ADGB: variants seen among roughly 807,000 people sequenced by gnomAD.
ADGB encodes calpain-7-like protein.
In ADGB, 172 loss-of-function variants were observed where a neutral mutation model predicts 210.5. That is an observed-to-expected ratio of 0.82 (90% CI 0.72 to 0.93). ADGB has a LOEUF of 0.93. Ranked by LOEUF, ADGB falls within the 40% of genes least tolerant of loss-of-function variation. ADGB has a pLI of 0.00. For synonymous variants in ADGB, 658 were observed against 662.7 expected (o/e 0.99, Z 0.11); for missense variants, 2,025 against 1,964.8 (o/e 1.03, Z -0.58).
chr6:146,800,143 T>TG (rs1778106174), intron 33 of ADGB, among the ~76,000 whole-genome samples: 1 of 151,846 alleles, frequency 6.6e-6, no homozygotes, highest in African/African-American at 2.4e-5. Context: ...TTTTTCTTTT[T>TG]TTTTAAATGA....
At chr6:146,692,482 CT>C (rs146158823) in intron 11 of ADGB, among the ~76,000 whole-genome samples, 2,972 of 151,332 alleles carry the variant, frequency 0.02, 86 homozygotes, top group African/African-American at 0.067. Context: ...ACTAAGGGAA[CT>C]TTTTTTTTAG....
In ADGB at chr6:146,815,020, G is replaced by T; in HGVS notation, c.4819-12G>T. 6.6e-7 allele frequency: 1 copy of T among 1,524,716 alleles called. No homozygotes were observed. The highest frequency in any genetic ancestry group is 8.8e-7 in the Non-Finnish European group (1 of 1,140,172). 94.4% of individuals were successfully genotyped at this position (1,524,716 alleles called of 1,614,324 possible). ...GTGGAACTTATTTGTTTGGGGTTTTGCTTTGGAACAGGACTCCTTAGATGA... is the reference window on the plus strand; with the variant it reads ...GTGGAACTTATTTGTTTGGGGTTTTTCTTTGGAACAGGACTCCTTAGATGA... On this transcript the variant is annotated splice_polypyrimidine_tract_variant and intron_variant, in intron 35 of 35. Transcript: ENST00000397944.
At chr6:146,646,785 A>G (rs570402173) in intron 3 of ADGB, among the ~76,000 whole-genome samples, 4 of 152,258 alleles carry the variant, frequency 2.6e-5, no homozygotes, top group African/African-American at 9.6e-5. Context: ...GGCTCAAAAT[A>G]TTTGATCAAA....
At chr6:146,745,874 G>C in intron 25 of ADGB, 48 bp from the exon 26 acceptor site, 2 of 1,422,330 alleles carry the variant, frequency 1.4e-6, no homozygotes, top group Non-Finnish European at 1.9e-6. Context: ...ACATTCGATA[G>C]AATAATAACG....
At chr6:146,695,349 C>T (rs1776388068) in intron 12 of ADGB, among the ~76,000 whole-genome samples, 1 of 151,912 alleles carries the variant, frequency 6.6e-6, no homozygotes, top group Non-Finnish European at 1.5e-5. Context: ...GTTAACGTTG[C>T]TTTGTATATA....
chr6:146,786,225 T>G (rs1448216851), intron 32 of ADGB, among the ~76,000 whole-genome samples: 1 of 148,674 alleles, frequency 6.7e-6, no homozygotes, highest in Non-Finnish European at 1.5e-5. Flanking sequence ...ATTATAATAT[T>G]ATTCCAGTTT....
intron 35 of ADGB, among the ~76,000 whole-genome samples, chr6:146,814,248 T>C (rs1778347971): frequency 6.6e-6 from 1 of 152,226 alleles, no homozygotes; most frequent in African/African-American, 2.4e-5. Flanking sequence ...AAAGCAGTCA[T>C]CTCTAGAAGA....
intron 16 of ADGB, among the ~76,000 whole-genome samples, chr6:146,719,883 G>C (rs1167338110): frequency 6.6e-6 from 1 of 152,190 alleles, no homozygotes; most frequent in East Asian, 1.9e-4. Flanking sequence ...TGTCACAGCT[G>C]ACAGGATGCA....
intron 9 of ADGB, among the ~76,000 whole-genome samples, chr6:146,679,675 A>C (rs1028394041): frequency 1.3e-5 from 2 of 152,232 alleles, no homozygotes; most frequent in Non-Finnish European, 2.9e-5. Flanking sequence ...AGTTCACACA[A>C]CTACTATGTT....
chr6:146,793,613 A>C (rs897772098), intron 33 of ADGB, among the ~76,000 whole-genome samples: 3 of 152,184 alleles, frequency 2.0e-5, no homozygotes, highest in African/African-American at 7.2e-5. Flanking sequence ...GGAGGAAATA[A>C]ATTTGACAAG....
At chr6:146,715,596 A>C (rs1158920665) in intron 14 of ADGB, among the ~76,000 whole-genome samples, 181 bp downstream of exon 14, 3 of 152,172 alleles carry the variant, frequency 2.0e-5, no homozygotes, top group African/African-American at 7.2e-5. Flanking sequence ...GTTAAATTGA[A>C]GCTAAAAATA....
At chr6:146,725,805 G>A in intron 18 of ADGB, 1 of 261,992 alleles carries the variant, frequency 3.8e-6, no homozygotes, top group Non-Finnish European at 7.3e-6. Flanking sequence ...CACCATGACT[G>A]CAGTGTGTGG....
At chr6:146,732,904 G>A (rs574032704) in intron 20 of ADGB, among the ~76,000 whole-genome samples, 2 of 148,664 alleles carry the variant, frequency 1.3e-5, no homozygotes, top group African/African-American at 5.2e-5. Context: ...TATTATAAAC[G>A]TTGTAGTGAT....
At chr6:146,731,529 T>G (rs1292106052) in intron 20 of ADGB, among the ~76,000 whole-genome samples, 1 of 152,136 alleles carries the variant, frequency 6.6e-6, no homozygotes, top group Non-Finnish European at 1.5e-5. Context: ...TGCAGGATCT[T>G]GGCTACCTTA....
At chr6:146,726,722 C>T (rs1343405444) in intron 19 of ADGB, among the ~76,000 whole-genome samples, 1 of 152,202 alleles carries the variant, frequency 6.6e-6, no homozygotes, top group Admixed American at 6.5e-5. Flanking sequence ...TCTCTAACAA[C>T]TGCTCTCACC....
chr6:146,784,468 A>G, intron 30 of ADGB, 150 bp from the exon 31 acceptor site: 1 of 646,872 alleles, frequency 1.5e-6, no homozygotes, highest in Non-Finnish European at 2.4e-6. Flanking sequence ...TAAGACTGCA[A>G]TGAACATTTT....
intron 7 of ADGB, among the ~76,000 whole-genome samples, chr6:146,669,517 C>T (rs772086670): frequency 9.2e-5 from 14 of 152,122 alleles, no homozygotes; most frequent in Non-Finnish European, 2.1e-4. Flanking sequence ...GTGATCACCT[C>T]TCCTGCCTCA....
intron 12 of ADGB, among the ~76,000 whole-genome samples, chr6:146,698,091 G>C (rs1187350110): frequency 6.6e-6 from 1 of 152,182 alleles, no homozygotes; most frequent in Non-Finnish European, 1.5e-5. Flanking sequence ...GTGGTGAGGA[G>C]AGTTGGCCAT....
chr6:146,652,955 C>A (rs1286661314), intron 3 of ADGB, among the ~76,000 whole-genome samples: 1 of 152,124 alleles, frequency 6.6e-6, no homozygotes, highest in African/African-American at 2.4e-5. Flanking sequence ...AGGAACCGGG[C>A]CACACAGCAG....
Sources: gnomAD v4.1 joint callset for allele counts (sites outside exome capture counted in the v4.1 genomes callset) on GRCh38, gnomAD v4.1.1 for gene constraint, MANE v1.5 for transcripts, NCBI Gene and HGNC (gene_info 2026-07-23, HGNC 2026-07-21) for gene names.